EAF2: variants seen among roughly 807,000 people sequenced by gnomAD.
The protein encoded by EAF2 is ELL associated factor 2.
EAF2 carries 29 observed loss-of-function variants against 29.4 expected under a neutral mutation model. The ratio of observed to expected loss-of-function variants is 0.99; its 90% CI spans 0.73 to 1.35. The LOEUF is 1.35. Among genes scored for constraint, EAF2 ranks in the 40% most tolerant of loss-of-function variants. EAF2 has a pLI of 0.00. For synonymous variants in EAF2, 103 were observed against 102.5 expected, an observed-to-expected ratio of 1.00 and a Z score of -0.03; for missense variants, 292 against 312.0, an observed-to-expected ratio of 0.94 and a Z score of 0.48.
chr3:121,867,699 G>T (rs1017849266), intron 4 of EAF2, among the ~76,000 whole-genome samples: 4 of 152,176 alleles, frequency 2.6e-5, no homozygotes, highest in Non-Finnish European at 4.4e-5. Context: ...GTATCAGGAA[G>T]AGAGAAACAG....
chr3:121,856,123 T>C (rs970741484), intron 3 of EAF2, among the ~76,000 whole-genome samples: 1 of 152,294 alleles, frequency 6.6e-6, no homozygotes, highest in African/African-American at 2.4e-5. Context: ...CTTAAAGATA[T>C]TGAAAGAAAA....
chr3:121,862,253 T>A (rs1201247146), intron 4 of EAF2, among the ~76,000 whole-genome samples: 1 of 152,332 alleles, frequency 6.6e-6, no homozygotes, highest in African/African-American at 2.4e-5. Context: ...CTGGATAATA[T>A]CCTGAAGAGT....
chr3:121,863,649 C>T (rs1238446283), intron 4 of EAF2, among the ~76,000 whole-genome samples: 9 of 152,064 alleles, frequency 5.9e-5, no homozygotes, highest in Non-Finnish European at 8.8e-5. Context: ...TCGCACTTCC[C>T]GGGTGAGGCA....
intron 3 of EAF2, among the ~76,000 whole-genome samples, chr3:121,856,734 G>C (rs1224936123): frequency 6.6e-6 from 1 of 152,176 alleles, no homozygotes; most frequent in Non-Finnish European, 1.5e-5. Flanking sequence ...TCCCACTTCA[G>C]CCTCCCAATA....
chr3:121,838,605 A>T (rs1390530925), intron 1 of EAF2, among the ~76,000 whole-genome samples: 1 of 152,226 alleles, frequency 6.6e-6, no homozygotes, highest in Non-Finnish European at 1.5e-5. Context: ...TTATGAATTC[A>T]TGTTTATCAT....
At chr3:121,865,218 G>A (rs2700412) in intron 4 of EAF2, among the ~76,000 whole-genome samples, 22,199 of 151,562 alleles carry the variant, frequency 0.15, 2,014 homozygotes, top group African/African-American at 0.25. Context: ...AGAACAGCCT[G>A]AGCAACATGG....
intron 4 of EAF2, among the ~76,000 whole-genome samples, chr3:121,865,869 T>A (rs1190371435): frequency 6.6e-6 from 1 of 152,078 alleles, no homozygotes; most frequent in Non-Finnish European, 1.5e-5. Flanking sequence ...TCCCTGCAAG[T>A]AGAATTCTAC....
chr3:121,868,818 A>G (rs572883300), intron 4 of EAF2, among the ~76,000 whole-genome samples: 1 of 152,320 alleles, frequency 6.6e-6, no homozygotes, highest in South Asian at 2.1e-4. Flanking sequence ...GAACTACTAG[A>G]CAGAAAATCG....
rs148765156 is a variant in EAF2 at position 121,872,748 on chromosome 3, T to C, written c.696T>C (p.Asn232=). 5.2e-4 allele frequency: 842 copies of C among 1,612,290 alleles called. 1 individual carries two copies. Among genetic ancestry groups the C allele is most frequent in the Non-Finnish European group, 4.8e-4 (561 of 1,178,960 alleles). Residue 232 remains asparagine (N), a synonymous_variant, in exon 5 of 6, where the codon AAT becomes AAC. Transcript: ENST00000273668. ...TTCCTGATATAGATGCCAGTCATAA[T>C]AGATTTCGAGACAACAGTGGCCTTC... ...YRIPDIDASH[N]RFRDNSGLLM...
chr3:121,855,378 T>C (rs1708701949), intron 3 of EAF2, among the ~76,000 whole-genome samples: 1 of 152,122 alleles, frequency 6.6e-6, no homozygotes, highest in African/African-American at 2.4e-5. Context: ...TAGACAAAAA[T>C]TGCTCTAGGA....
At chr3:121,853,806 GGGTTTTTGTGT>G (rs1340921639) in intron 2 of EAF2, among the ~76,000 whole-genome samples, 5 of 152,086 alleles carry the variant, frequency 3.3e-5, no homozygotes, top group Non-Finnish European at 5.9e-5. Context: ...AAATTCTTTG[GGGTTTTTGTGT>G]GGTTTTTGGC....
At chr3:121,842,244 C>T (rs1183981387) in intron 1 of EAF2, among the ~76,000 whole-genome samples, 1 of 152,114 alleles carries the variant, frequency 6.6e-6, no homozygotes, top group African/African-American at 2.4e-5. Flanking sequence ...TAGGCACCCA[C>T]ATAGGGCATG....
At chr3:121,881,972 A>G (rs941017913) in intron 5 of EAF2, among the ~76,000 whole-genome samples, 22 of 152,216 alleles carry the variant, frequency 1.4e-4, no homozygotes, top group Admixed American at 2.0e-4. Context: ...AATTCACCAC[A>G]TTAACAGATT....
intron 1 of EAF2, 29 bp from the exon 2 acceptor site, chr3:121,844,424 C>T (rs11717089): frequency 0.36 from 489,624 of 1,346,840 alleles, 92,255 homozygotes; most frequent in African/African-American, 0.42. Context: ...TTACATTTTA[C>T]AAAAATTGGT....
In EAF2 at chr3:121,844,440, T is replaced by G; in HGVS notation, c.107-13T>G. 1.3e-6 allele frequency: 2 copies of G among 1,542,118 alleles called. No individual in the cohort carries two copies. The highest frequency in any genetic ancestry group is 1.8e-6 in the Non-Finnish European group (2 of 1,126,456). On this transcript the variant is annotated splice_polypyrimidine_tract_variant and intron_variant, in intron 1 of 5. Coordinates refer to ENST00000273668, the MANE Select transcript of EAF2 (RefSeq NM_018456.6). ...TACATTTTACAAAAATTGGTATTTG[T>G]ATCTATTTTTAGATGACTTCAAACC...
At chr3:121,865,614 G>A (rs1467492135) in intron 4 of EAF2, among the ~76,000 whole-genome samples, 1 of 151,964 alleles carries the variant, frequency 6.6e-6, no homozygotes, top group Non-Finnish European at 1.5e-5. Context: ...GGCCGAGGTG[G>A]GAGGATCGTT....
At chr3:121,863,726 C>T (rs553623207) in intron 4 of EAF2, among the ~76,000 whole-genome samples, 11 of 152,110 alleles carry the variant, frequency 7.2e-5, no homozygotes, top group East Asian at 5.8e-4. Flanking sequence ...CCCAGTGAGA[C>T]GAACCCAGTA....
In EAF2 at chr3:121,857,031, T is replaced by G. The variant is rs1708730542; in HGVS notation, c.359T>G (p.Ile120Ser). Residue 120 changes from isoleucine (I) to serine (S), a missense_variant, in exon 4 of 6, where the codon ATT becomes AGT. Ile to Ser is a moderately radical substitution (Grantham distance 142, BLOSUM62 -2). Coordinates refer to ENST00000273668, the MANE Select transcript of EAF2 (RefSeq NM_018456.6). Reference sequence around the variant, plus strand: ...TGCAGAGTTGAAGGAAGCAGTAAAATTCAGTATCGTAAAGAACAACAGCAA... The same window carrying G: ...TGCAGAGTTGAAGGAAGCAGTAAAAGTCAGTATCGTAAAGAACAACAGCAA... ...KKTRVEGSSKIQYRKEQQQQQ... is the reference protein window; with the variant it reads ...KKTRVEGSSKSQYRKEQQQQQ... 1.2e-6 allele frequency: 2 copies of G among 1,612,664 alleles called. No individual in the cohort carries two copies.
chr3:121,873,887 A>T (rs1458741217), intron 5 of EAF2, among the ~76,000 whole-genome samples: 1 of 151,814 alleles, frequency 6.6e-6, no homozygotes, highest in Non-Finnish European at 1.5e-5. Context: ...GCTTCACCAC[A>T]AGCTCCTATC....
Sources: allele counts gnomAD v4.1 joint callset (sites outside exome capture counted in the v4.1 genomes callset), GRCh38; gene constraint gnomAD v4.1.1; transcripts MANE v1.5; gene names NCBI Gene and HGNC (gene_info 2026-07-23, HGNC 2026-07-21).